Variants in SLC26A4 observed in about 807,000 individuals in gnomAD.
SLC26A4 encodes the protein pendrin.
A neutral mutation model predicts 90.4 loss-of-function variants in SLC26A4; 93 were observed. That is an observed-to-expected ratio of 1.03 (90% CI 0.87 to 1.22). The LOEUF is 1.22. Ranked by LOEUF, SLC26A4 falls within the 50% of genes most tolerant of loss-of-function variation. SLC26A4 has a pLI of 0.00. For synonymous variants in SLC26A4, 393 were observed against 354.6 expected (o/e 1.11, Z -1.22); for missense variants, 1,127 against 946.2 (o/e 1.19, Z -2.51).
intron 10 of SLC26A4, among the ~76,000 whole-genome samples, chr7:107,691,090 C>T (rs1323001447): frequency 1.4e-5 from 2 of 145,228 alleles, no homozygotes; most frequent in Non-Finnish European, 3.0e-5. Context: ...AACAACAAAC[C>T]CAAACTACAT....
At chr7:107,708,692 A>AT (rs202059992) in intron 18 of SLC26A4, among the ~76,000 whole-genome samples, 57 of 149,098 alleles carry the variant, frequency 3.8e-4, no homozygotes, top group East Asian at 3.5e-3. Flanking sequence ...CGTCTCTATT[A>AT]TTTTTTTTTT....
intron 3 of SLC26A4, 46 bp from the exon 4 acceptor site, chr7:107,672,092 C>A: frequency 8.2e-7 from 1 of 1,214,014 alleles, no homozygotes; most frequent in Non-Finnish European, 1.2e-6. Context: ...TTTCTGCATA[C>A]TGTAACTTTG....
chr7:107,698,563 C>T lies in SLC26A4; in HGVS notation c.1614+452C>T, dbSNP rs147379552. Among the ~76,000 whole-genome samples the T allele has an allele frequency of 5.8e-3, 876 of 152,202 alleles. 13 individuals carry two copies. Among genetic ancestry groups the T allele is most frequent in the African/African-American group, 0.019 (805 of 41,536 alleles). Reference sequence around the variant, plus strand: ...AACTCCTGAGCTCAAGTGATTTGCCCGTCTTGGCCTCCCAAAGAGTTGGGA... The same window carrying T: ...AACTCCTGAGCTCAAGTGATTTGCCTGTCTTGGCCTCCCAAAGAGTTGGGA... On this transcript the variant is annotated intron_variant, in intron 14 of 20. Transcript: ENST00000644269.
At chr7:107,684,601 A>G (rs1019046422) in intron 8 of SLC26A4, among the ~76,000 whole-genome samples, 2 of 152,194 alleles carry the variant, frequency 1.3e-5, no homozygotes, top group African/African-American at 4.8e-5. Flanking sequence ...GTGTTTCTCA[A>G]ACTTACCCTT....
rs1333788556 is a variant in SLC26A4, at chr7:107,661,646, C to T, written c.5C>T (p.Ala2Val). 2 of 1,563,328 alleles carry T rather than the reference C, an allele frequency of 1.3e-6. No homozygotes were observed. Among genetic ancestry groups the T allele is most frequent in the Non-Finnish European group, 1.7e-6 (2 of 1,159,986 alleles). The change falls in exon 2 of 21, where the codon GCA becomes GTA. Residue 2 changes from alanine to valine, a missense_variant. Coordinates refer to ENST00000644269, the MANE Select transcript of SLC26A4 (RefSeq NM_000441.2). The surrounding 1 kb of genome is among the most constrained non-coding windows in gnomAD (Gnocchi z 5.1). M[A>V]APGGRSEPPQ... ...CTGTCCTCTGGCTCGCAGGTCATGG[C>T]AGCGCCAGGCGGCAGGTCGGAGCCG... is the stretch of plus-strand genomic sequence containing the variant.
chr7:107,674,706 T>C (rs1790973916), intron 5 of SLC26A4, among the ~76,000 whole-genome samples: 1 of 152,250 alleles, frequency 6.6e-6, no homozygotes, highest in Non-Finnish European at 1.5e-5. Context: ...TTTGCTTTTC[T>C]AAGTACATGT....
chr7:107,709,198 GC>G (rs1460013127), intron 18 of SLC26A4, among the ~76,000 whole-genome samples: 4 of 152,338 alleles, frequency 2.6e-5, no homozygotes, highest in South Asian at 2.1e-4. Context: ...AAGAGGACCT[GC>G]TTTCTCCCCC....
Position 107,716,737 on chromosome 7 carries a change from A to ATAAC in SLC26A4, c.*1291_*1292insTAAC, listed in dbSNP as rs1301320140. 5.3e-5 allele frequency: 8 copies of ATAAC among 152,156 alleles called. No homozygotes were observed. The highest frequency in any genetic ancestry group is 1.9e-4 in the African/African-American group (8 of 41,436). 9.4% of individuals were successfully genotyped at this position (152,156 alleles called of 1,614,324 possible). On this transcript the variant is annotated 3_prime_UTR_variant, in exon 21 of 21. Transcript: ENST00000644269. ...AGAGAAAAGTTATACCCAGGTCCCC[A>ATAAC]ATTGAGAATGTCTTGCTTGATTGAA...
intron 10 of SLC26A4, chr7:107,693,220 C>A: frequency 1.2e-6 from 1 of 827,216 alleles, no homozygotes; most frequent in Non-Finnish European, 1.5e-6. Context: ...TCTGCTTAGT[C>A]AGGAGAAGGG....
At chr7:107,707,310 A>C (rs986870728) in intron 18 of SLC26A4, among the ~76,000 whole-genome samples, 25 of 152,224 alleles carry the variant, frequency 1.6e-4, no homozygotes, top group Non-Finnish European at 2.8e-4. Context: ...TCATGTAATT[A>C]ATTCTTGCTC....
chr7:107,705,398 C>T (rs974749710), intron 18 of SLC26A4, among the ~76,000 whole-genome samples: 2 of 152,120 alleles, frequency 1.3e-5, no homozygotes, highest in Admixed American at 6.5e-5. Context: ...TATAATGTAC[C>T]AGGAAGACTG....
chr7:107,688,252 A>G lies in SLC26A4; in HGVS notation c.1002-801A>G, dbSNP rs142587095. Among the ~76,000 whole-genome samples, 40 of 152,252 alleles carry G rather than the reference A, an allele frequency of 2.6e-4. No individual in the cohort carries two copies. The East Asian group carries it at 7.1e-3, about 27-fold the overall frequency. ...CCACTGTTCTCTAATTATAGGGGAA[A>G]ATGTAGTTTCCTTATTAAAGAAACT... On this transcript the variant is annotated intron_variant, in intron 8 of 20. Coordinates refer to ENST00000644269, the MANE Select transcript of SLC26A4 (RefSeq NM_000441.2).
intron 19 of SLC26A4, among the ~76,000 whole-genome samples, chr7:107,710,631 G>T (rs991728756): frequency 6.6e-6 from 1 of 152,014 alleles, no homozygotes; most frequent in Admixed American, 6.6e-5. Context: ...CTTTGAAAAA[G>T]AAATTTAAAA....
At chr7:107,688,734 T>A (rs1230429441) in intron 8 of SLC26A4, among the ~76,000 whole-genome samples, 1 of 152,140 alleles carries the variant, frequency 6.6e-6, no homozygotes, top group African/African-American at 2.4e-5. Flanking sequence ...AACACTAACA[T>A]GTGAAATGGC....
intron 8 of SLC26A4, among the ~76,000 whole-genome samples, chr7:107,684,633 C>A (rs1259490833): frequency 6.6e-6 from 1 of 152,138 alleles, no homozygotes. Flanking sequence ...ACATGGGATC[C>A]TTTTTCACAC....
At chr7:107,682,554 A>AT (rs1401586600) in intron 6 of SLC26A4, among the ~76,000 whole-genome samples, 2 of 152,108 alleles carry the variant, frequency 1.3e-5, no homozygotes, top group African/African-American at 2.4e-5. Flanking sequence ...GTATTTTAGG[A>AT]TTTTTTGTAA....
intron 6 of SLC26A4, among the ~76,000 whole-genome samples, chr7:107,680,609 TACTCAA>T (rs1562827826): frequency 3.3e-5 from 5 of 151,578 alleles, no homozygotes; most frequent in Admixed American, 1.3e-4. Context: ...TCTGAATGAC[TACTCAA>T]TATGTAGGCA....
At position 107,683,360 on chromosome 7, in the gene SLC26A4, T is replaced by C. The variant is rs940345766; in HGVS notation, c.918+6T>C. Reference sequence around the variant, plus strand: ...TTCCTATAGAAGTAATTGTGGTAAGTAGAATATGTAGTTAGAAAGTTCAGC... The same window carrying C: ...TTCCTATAGAAGTAATTGTGGTAAGCAGAATATGTAGTTAGAAAGTTCAGC... On this transcript the variant is annotated splice_donor_region_variant and intron_variant, in intron 7 of 20. Transcript: ENST00000644269. The C allele has an allele frequency of 3.7e-6, 6 of 1,613,088 alleles. No individual in the cohort carries two copies. The highest frequency in any genetic ancestry group is 2.2e-5 in the East Asian group (1 of 44,872).
At chr7:107,704,915 G>C (rs757999558) in intron 18 of SLC26A4, among the ~76,000 whole-genome samples, 3 of 152,180 alleles carry the variant, frequency 2.0e-5, no homozygotes, top group Non-Finnish European at 4.4e-5. Context: ...ACTCCATTTT[G>C]ATTTTTAGTC....
Sources: allele counts gnomAD v4.1 joint callset (sites outside exome capture counted in the v4.1 genomes callset), GRCh38; gene constraint gnomAD v4.1.1; non-coding constraint Gnocchi (gnomAD v3.1); transcripts MANE v1.5; gene names NCBI Gene and HGNC (gene_info 2026-07-23, HGNC 2026-07-21).